MCTP2: variants seen among roughly 807,000 people sequenced by gnomAD.
MCTP2 encodes multiple C2 and transmembrane domain containing 2.
MCTP2 carries 132 observed loss-of-function variants against 111.6 expected under a neutral mutation model. The ratio of observed to expected loss-of-function variants is 1.18; its 90% confidence interval spans 1.03 to 1.37. The LOEUF (loss-of-function observed/expected upper bound fraction) is 1.37. MCTP2 is among the 40% of genes most tolerant of loss of function. The probability of loss-of-function intolerance (pLI) is 0.00; values close to 1 mark genes in which losing one functional copy is unlikely to be tolerated. For synonymous variants in MCTP2, 395 were observed against 387.7 expected, an observed-to-expected ratio of 1.02 and a Z score of -0.22; for missense variants, 1,183 against 1,067.9, an observed-to-expected ratio of 1.11 and a Z score of -1.50.
At chr15:94,307,724 C>G (rs2075953449) in intron 2 of MCTP2, among the ~76,000 whole-genome samples, 1 of 152,160 alleles carries the variant, frequency 6.6e-6, no homozygotes, top group Admixed American at 6.5e-5. Flanking sequence ...TAAGTCCAAG[C>G]TTTGCCTTGG....
chr15:94,368,565 G>A (rs1314370588), intron 11 of MCTP2, among the ~76,000 whole-genome samples: 1 of 152,158 alleles, frequency 6.6e-6, no homozygotes, highest in African/African-American at 2.4e-5. Flanking sequence ...AGTGTCTCCA[G>A]GATCCTTCAC....
At chr15:94,322,721 C>G (rs1022306828) in intron 4 of MCTP2, among the ~76,000 whole-genome samples, 2 of 152,128 alleles carry the variant, frequency 1.3e-5, no homozygotes, top group Admixed American at 6.5e-5. Flanking sequence ...ATGCTTTCAG[C>G]GGAAGCATCT....
intron 1 of MCTP2, 146 bp from the exon 2 acceptor site, chr15:94,298,051 CCAAT>C: frequency 2.4e-6 from 1 of 421,514 alleles, no homozygotes; most frequent in Non-Finnish European, 4.2e-6. Context: ...ATACAAGTTA[CCAAT>C]CAAATGTTGC....
intron 2 of MCTP2, among the ~76,000 whole-genome samples, chr15:94,300,392 C>A (rs1488402938): frequency 1.3e-5 from 2 of 151,668 alleles, no homozygotes; most frequent in Non-Finnish European, 2.9e-5. Context: ...CACCTGTAGT[C>A]CCAGCTACTT....
chr15:94,440,813 C>T (rs1231179524), intron 18 of MCTP2, among the ~76,000 whole-genome samples: 1 of 152,130 alleles, frequency 6.6e-6, no homozygotes, highest in East Asian at 1.9e-4. Flanking sequence ...TTGCAGGTGC[C>T]CACATTTGTC....
chr15:94,279,223 A>G (rs1033463011), intron 1 of MCTP2, among the ~76,000 whole-genome samples: 4 of 152,178 alleles, frequency 2.6e-5, no homozygotes, highest in African/African-American at 9.7e-5. Flanking sequence ...ATCATTTTTA[A>G]CAATAGTGAT....
At chr15:94,248,766 G>A (rs949057934) in intron 1 of MCTP2, among the ~76,000 whole-genome samples, 16 of 152,156 alleles carry the variant, frequency 1.1e-4, no homozygotes. Context: ...CAGACAGTGA[G>A]GCTTTGCAAA....
rs1454973846 is a variant in MCTP2 at position 94,440,270 on chromosome 15, G to C, written c.2180G>C (p.Gly727Ala). ...TACAATTTCATCAGACCTGTGAAAG[G>C]CAAGGTCAGCAGCATCCAGGACAGC... ...FVYNFIRPVK[G>A]KVSSIQDSQE... The change falls in exon 18 of 23, where the codon GGC (glycine) becomes GCC (alanine). Residue 727 changes from glycine to alanine, a missense_variant. Coordinates refer to ENST00000357742, the MANE Select transcript of MCTP2 (RefSeq NM_001385001.1). 6.2e-7 allele frequency: 1 copy of C among 1,614,100 alleles called. No individual in the cohort carries two copies. The highest frequency in any genetic ancestry group is 1.7e-5 in the Admixed American group (1 of 60,020).
chr15:94,418,945 A>G (rs994491369), intron 17 of MCTP2, among the ~76,000 whole-genome samples: 5 of 152,152 alleles, frequency 3.3e-5, no homozygotes, highest in Non-Finnish European at 7.4e-5. Flanking sequence ...CCTCTAATTT[A>G]TATTTAATAT....
intron 4 of MCTP2, among the ~76,000 whole-genome samples, chr15:94,330,431 G>A (rs1439492577): frequency 6.6e-6 from 1 of 152,138 alleles, no homozygotes; most frequent in African/African-American, 2.4e-5. Context: ...TTACTAATAT[G>A]CATATAGGTC....
chr15:94,379,664 T>C (rs1177618006), intron 12 of MCTP2, among the ~76,000 whole-genome samples: 2 of 149,952 alleles, frequency 1.3e-5, no homozygotes, highest in Non-Finnish European at 3.0e-5. Context: ...ATTATCGCTA[T>C]TTGCCTCTCT....
chr15:94,276,920 C>T (rs1596251220), intron 1 of MCTP2, among the ~76,000 whole-genome samples: 1 of 129,512 alleles, frequency 7.7e-6, no homozygotes, highest in South Asian at 2.4e-4. Flanking sequence ...AATATCACAA[C>T]TACTGTTACG....
At position 94,304,257 on chromosome 15, in the gene MCTP2, C is replaced by T. The variant is rs572066345; in HGVS notation, c.465+5527C>T. On this transcript the variant is annotated intron_variant, in intron 2 of 22. Transcript: ENST00000357742. Reference sequence around the variant, plus strand: ...AGAAGGTCAAGACCAGCCTTGCCAACGTGGTAAAATCCTGTCTCTACTAAA... The same window carrying T: ...AGAAGGTCAAGACCAGCCTTGCCAATGTGGTAAAATCCTGTCTCTACTAAA... 1.1e-4 allele frequency among the ~76,000 whole-genome samples: 17 copies of T among 152,274 alleles called. 1 individual carries two copies. Among genetic ancestry groups the T allele is most frequent in the Admixed American group, 8.5e-4 (13 of 15,306 alleles).
chr15:94,411,746 G>A (rs959735490), intron 17 of MCTP2, among the ~76,000 whole-genome samples: 32 of 151,350 alleles, frequency 2.1e-4, no homozygotes, highest in African/African-American at 6.3e-4. Context: ...CCCATCTCAC[G>A]TATACAAAAA....
intron 21 of MCTP2, among the ~76,000 whole-genome samples, chr15:94,474,630 G>T (rs965884799): frequency 2.0e-5 from 3 of 152,098 alleles, no homozygotes; most frequent in Admixed American, 6.6e-5. Context: ...AGGCTGAGGT[G>T]GGTGGATCAC....
chr15:94,367,992 G>C (rs927185491), intron 11 of MCTP2, among the ~76,000 whole-genome samples: 6 of 152,142 alleles, frequency 3.9e-5, no homozygotes, highest in Non-Finnish European at 7.4e-5. Context: ...ATTAAGAGTT[G>C]GTTTTGCTAT....
intron 17 of MCTP2, among the ~76,000 whole-genome samples, chr15:94,433,904 T>C (rs2083321016): frequency 6.6e-6 from 1 of 152,194 alleles, no homozygotes; most frequent in Non-Finnish European, 1.5e-5. Context: ...CTTTTTTGTG[T>C]TTGAAGGATT....
At chr15:94,233,412 T>C (rs1276275979) in intron 1 of MCTP2, among the ~76,000 whole-genome samples, 1 of 152,194 alleles carries the variant, frequency 6.6e-6, no homozygotes, top group African/African-American at 2.4e-5. Context: ...CTCTGTGTTA[T>C]ACATGGAAGG....
At chr15:94,243,591 G>GTA (rs2071312065) in intron 1 of MCTP2, among the ~76,000 whole-genome samples, 5 of 149,384 alleles carry the variant, frequency 3.3e-5, no homozygotes, top group African/African-American at 1.2e-4. Context: ...GCGTATATTT[G>GTA]TATATGTATG....
Sources: gnomAD v4.1 joint callset for allele counts (sites outside exome capture counted in the v4.1 genomes callset) on GRCh38, gnomAD v4.1.1 for gene constraint, MANE v1.5 for transcripts, NCBI Gene and HGNC (gene_info 2026-07-23, HGNC 2026-07-21) for gene names.